The following DCDC2 variants were observed in gnomAD, a reference collection of about 807,000 sequenced individuals.
DCDC2 encodes doublecortin domain-containing protein 2.
DCDC2 carries 40 observed loss-of-function variants against 50.2 expected under a neutral mutation model. That is an observed-to-expected ratio of 0.80 (90% CI 0.62 to 1.04). The LOEUF (loss-of-function observed/expected upper bound fraction) is 1.04. Among genes scored for constraint, DCDC2 ranks in the 50% least tolerant of loss-of-function variants. DCDC2 has a pLI of 0.00. For missense variants in DCDC2, 570 were observed against 581.9 expected, an observed-to-expected ratio of 0.98 and a Z score of 0.21; for synonymous variants, 234 against 210.6, an observed-to-expected ratio of 1.11 and a Z score of -0.96.
chr6:24,283,999 C>A (rs892116789), intron 6 of DCDC2, among the ~76,000 whole-genome samples: 1 of 152,166 alleles, frequency 6.6e-6, no homozygotes, highest in African/African-American at 2.4e-5. Flanking sequence ...CATGTTTATC[C>A]CTGGTGTATA....
chr6:24,187,961 G>A (rs1294825502), intron 8 of DCDC2, among the ~76,000 whole-genome samples: 1 of 152,208 alleles, frequency 6.6e-6, no homozygotes, highest in Non-Finnish European at 1.5e-5. Context: ...AATTCTCCAA[G>A]TAGTGACAAA....
chr6:24,330,132 A>G (rs1759941138), intron 2 of DCDC2, among the ~76,000 whole-genome samples: 1 of 152,200 alleles, frequency 6.6e-6, no homozygotes, highest in Non-Finnish European at 1.5e-5. Context: ...TACCCCAATT[A>G]GCAATAACCA....
At chr6:24,358,958 T>TATTTA (rs1760565607), upstream of DCDC2, among the ~76,000 whole-genome samples, 1 of 56,644 alleles carries the variant, frequency 1.8e-5, no homozygotes, top group Non-Finnish European at 2.9e-5. Flanking sequence ...ATATTATATA[T>TATTTA]TATATATTAT....
upstream of DCDC2, among the ~76,000 whole-genome samples, chr6:24,358,512 TAAAAAAA>T (rs966038766): frequency 1.1e-4 from 8 of 75,906 alleles, no homozygotes; most frequent in African/African-American, 1.8e-4. Flanking sequence ...TCTCTACAAT[TAAAAAAA>T]AAAAAAAAAA....
At chr6:24,313,988 T>C (rs1051326006) in intron 2 of DCDC2, among the ~76,000 whole-genome samples, 2 of 152,104 alleles carry the variant, frequency 1.3e-5, no homozygotes, top group African/African-American at 4.8e-5. Flanking sequence ...CTCCTAGCCC[T>C]AGAAGCGCAG....
intron 6 of DCDC2, among the ~76,000 whole-genome samples, chr6:24,280,606 G>C (rs1026920799): frequency 2.0e-5 from 3 of 151,680 alleles, no homozygotes; most frequent in Non-Finnish European, 4.4e-5. Flanking sequence ...GTGCAATCTC[G>C]GCTCACTGCA....
intron 8 of DCDC2, among the ~76,000 whole-genome samples, chr6:24,193,932 C>G (rs1161927498): frequency 6.6e-6 from 1 of 151,812 alleles, no homozygotes; most frequent in East Asian, 1.9e-4. Context: ...TTTGAGATAC[C>G]ACCCAATGAA....
intron 2 of DCDC2, among the ~76,000 whole-genome samples, chr6:24,346,650 G>A (rs1760262193): frequency 6.6e-6 from 1 of 152,030 alleles, no homozygotes; most frequent in South Asian, 2.1e-4. Context: ...AGCTACTGGA[G>A]GCTAAGGCAT....
chr6:24,191,641 T>A (rs146958661), intron 8 of DCDC2, among the ~76,000 whole-genome samples: 2 of 152,300 alleles, frequency 1.3e-5, no homozygotes, highest in Non-Finnish European at 2.9e-5. Flanking sequence ...CAGGCTACCA[T>A]CCCTATTGCG....
intron 7 of DCDC2, among the ~76,000 whole-genome samples, chr6:24,239,006 G>A (rs1762510485): frequency 6.6e-6 from 1 of 152,130 alleles, no homozygotes; most frequent in Admixed American, 6.5e-5. Flanking sequence ...GTAATCTAAC[G>A]ATATTGTCAT....
Position 24,220,879 on chromosome 6 carries a change from A to AGAGCGAGCGAGTGAGCGAGCGAGC in DCDC2, c.923-15778_923-15777insGCTCGCTCGCTCACTCGCTCGCTC, listed in dbSNP as rs111880904. On this transcript the variant is annotated intron_variant, in intron 7 of 9. Transcript: ENST00000378454. Reference sequence around the variant, plus strand: ...GAGAGAGACAGAGAGCAAGAGAGCGAGAGCGAGAGAGTGAGCGAGCGAGCG... The same window carrying AGAGCGAGCGAGTGAGCGAGCGAGC: ...GAGAGAGACAGAGAGCAAGAGAGCGAGAGCGAGCGAGTGAGCGAGCGAGCGAGCGAGAGAGTGAGCGAGCGAGCG... Among the ~76,000 whole-genome samples, 9 of 107,030 alleles carry AGAGCGAGCGAGTGAGCGAGCGAGC rather than the reference A, an allele frequency of 8.4e-5. No homozygotes were observed. The East Asian group carries it at 2.3e-3, about 28-fold the overall frequency. The allele number at this position is 107,030 out of a possible 152,430, so 70.2% of individuals were successfully genotyped here.
At chr6:24,342,464 C>T (rs1005866963) in intron 2 of DCDC2, among the ~76,000 whole-genome samples, 6 of 152,188 alleles carry the variant, frequency 3.9e-5, no homozygotes, top group Admixed American at 3.3e-4. Flanking sequence ...GCCACTTCTC[C>T]GTGGAGTGTG....
chr6:24,216,213 A>AG (rs1462479866), intron 7 of DCDC2, among the ~76,000 whole-genome samples: 18 of 152,228 alleles, frequency 1.2e-4, no homozygotes, highest in Non-Finnish European at 4.4e-5. Context: ...CATGGGTTTC[A>AG]GAACTTGGGG....
chr6:24,270,939 T>C, intron 7 of DCDC2, among the ~76,000 whole-genome samples: 1 of 152,102 alleles, frequency 6.6e-6, no homozygotes, highest in Non-Finnish European at 1.5e-5. Flanking sequence ...GGTTCAGACC[T>C]GGCAGGGCAC....
At chr6:24,254,897 T>C (rs947881039) in intron 7 of DCDC2, among the ~76,000 whole-genome samples, 3 of 152,182 alleles carry the variant, frequency 2.0e-5, no homozygotes, top group Admixed American at 6.5e-5. Context: ...GATTGATCTA[T>C]AGATTTAATT....
At chr6:24,348,847 G>A (rs962707436) in intron 2 of DCDC2, among the ~76,000 whole-genome samples, 10 of 151,436 alleles carry the variant, frequency 6.6e-5, no homozygotes, top group South Asian at 2.1e-4. Flanking sequence ...TCTCCTACAC[G>A]CTGAACTCCC....
At chr6:24,318,546 T>G (rs1759713769) in intron 2 of DCDC2, among the ~76,000 whole-genome samples, 1 of 152,042 alleles carries the variant, frequency 6.6e-6, no homozygotes, top group Admixed American at 6.6e-5. Context: ...TCATCATTCA[T>G]CCCCTTCTGC....
intron 4 of DCDC2, among the ~76,000 whole-genome samples, chr6:24,294,550 A>G (rs990185216): frequency 1.3e-5 from 2 of 152,144 alleles, no homozygotes; most frequent in South Asian, 2.1e-4. Context: ...TTAAAAAAAA[A>G]TTAATAAGAT....
chr6:24,205,007 C>T lies in DCDC2; in HGVS notation c.1018G>A (p.Asp340Asn), dbSNP rs1389720008. 3.1e-6 allele frequency: 5 copies of T among 1,612,900 alleles called. No homozygotes were observed. The highest frequency in any genetic ancestry group is 1.7e-5 in the Admixed American group (1 of 59,934). The change falls in exon 8 of 10, where the codon GAT (aspartate) becomes AAT (asparagine). Residue 340 changes from aspartate to asparagine, a missense_variant. Physicochemically the swap from Asp to Asn is conservative, Grantham distance 23. Coordinates refer to ENST00000378454, the MANE Select transcript of DCDC2 (RefSeq NM_016356.5). ...TTTTAAGGCATGGAGATTACCTGAT[C>T]GACTGGAACCTCAACCTGAGTATCT... ...DEDTQVEVPV[D>N]QRPAEIVDEE...
Sources: gnomAD v4.1 joint callset for allele counts (sites outside exome capture counted in the v4.1 genomes callset) on GRCh38, gnomAD v4.1.1 for gene constraint, MANE v1.5 for transcripts, NCBI Gene and HGNC (gene_info 2026-07-23, HGNC 2026-07-21) for gene names.